The following SCIN variants were observed in gnomAD, a reference collection of about 807,000 sequenced individuals.
The protein encoded by SCIN is scinderin.
Under a neutral mutation model 91.8 loss-of-function variants are expected in SCIN, and 91 were observed. That is an observed-to-expected ratio of 0.99 (90% CI 0.84 to 1.18). The LOEUF (loss-of-function observed/expected upper bound fraction) is 1.18, where lower values mean the gene tolerates loss of function less well. Ranked by LOEUF, SCIN falls within the 50% of genes most tolerant of loss-of-function variation. The pLI is 0.00. For missense variants in SCIN, 1,087 were observed against 863.9 expected (o/e 1.26, Z -3.24); for synonymous variants, 367 against 312.6 (o/e 1.17, Z -1.84).
At chr7:12,585,289 A>G (rs1782564614) in intron 3 of SCIN, among the ~76,000 whole-genome samples, 1 of 151,994 alleles carries the variant, frequency 6.6e-6, no homozygotes, top group Admixed American at 6.6e-5. Flanking sequence ...GACTTTTCCC[A>G]GCTTATCCAG....
intron 4 of SCIN, among the ~76,000 whole-genome samples, chr7:12,622,214 A>T (rs1372927669): frequency 6.6e-6 from 1 of 152,058 alleles, no homozygotes; most frequent in Non-Finnish European, 1.5e-5. Flanking sequence ...AGAATAGATA[A>T]ATTCATTTAT....
chr7:12,599,386 T>C (rs1782910328), intron 3 of SCIN, among the ~76,000 whole-genome samples: 1 of 152,086 alleles, frequency 6.6e-6, no homozygotes, highest in Non-Finnish European at 1.5e-5. Flanking sequence ...TGTGTGTGTG[T>C]GTGTGTGTGT....
intron 9 of SCIN, among the ~76,000 whole-genome samples, 158 bp downstream of exon 9, chr7:12,629,380 A>G (rs1783597945): frequency 7.0e-6 from 1 of 142,888 alleles, no homozygotes; most frequent in Admixed American, 7.4e-5. Context: ...GATTTTGACT[A>G]TGTTTTGCAG....
In SCIN at chr7:12,622,838, A is replaced by T. The variant is rs1296789612; in HGVS notation, c.704A>T (p.Asp235Val). The T allele has an allele frequency of 1.2e-6, 2 of 1,612,618 alleles. No homozygotes were observed. The highest frequency in any genetic ancestry group is 1.7e-6 in the Non-Finnish European group (2 of 1,179,116). The change falls in exon 5 of 16, where the codon GAT becomes GTT. Residue 235 changes from aspartate (D) to valine (V), a missense_variant. Physicochemically the swap from Asp to Val is radical, Grantham distance 152. Transcript: ENST00000297029. ...AAGCCAGAGCTTCCAGATGGAGGTGATGATGATGACATTATAGCAGACATA... is the reference window on the plus strand; with the variant it reads ...AAGCCAGAGCTTCCAGATGGAGGTGTTGATGATGACATTATAGCAGACATA... ...GEKPELPDGG[D>V]DDDIIADISN... is the part of the protein sequence containing the mutation.
At position 12,610,402 on chromosome 7, in the gene SCIN, C is replaced by T. The variant is rs565100107; in HGVS notation, c.666+5739C>T. On this transcript the variant is annotated intron_variant, in intron 4 of 15. Coordinates refer to ENST00000297029, the MANE Select transcript of SCIN (RefSeq NM_001112706.3). ...GGCAAAGAGTAAATTTTTAGCCATA[C>T]TTCTTCAAAGTACTTTGCAAAATAA... is the stretch of plus-strand genomic sequence containing the variant. Among the ~76,000 whole-genome samples the T allele has an allele frequency of 4.0e-4, 61 of 152,262 alleles. No homozygotes were observed. The Middle Eastern group carries it at 0.01, about 25-fold the overall frequency.
At chr7:12,637,612 G>C (rs1322059744) in intron 10 of SCIN, among the ~76,000 whole-genome samples, 10 of 151,882 alleles carry the variant, frequency 6.6e-5, no homozygotes, top group Admixed American at 6.6e-5. Flanking sequence ...AATCATGGAG[G>C]AAGAAATGAG....
At chr7:12,636,013 C>T in intron 9 of SCIN, 32 bp from the exon 10 acceptor site, 2 of 1,542,606 alleles carry the variant, frequency 1.3e-6, no homozygotes, top group Non-Finnish European at 1.8e-6. Context: ...AACTTAAAGG[C>T]AAGCTAATTC....
chr7:12,583,558 T>G (rs1200858554), intron 3 of SCIN, among the ~76,000 whole-genome samples: 2 of 152,186 alleles, frequency 1.3e-5, no homozygotes, highest in East Asian at 1.9e-4. Context: ...ATAGAATGCC[T>G]TGTGACAGTT....
chr7:12,644,275 A>C lies in SCIN; in HGVS notation c.1719A>C (p.Leu573=). 2 of 1,598,446 alleles carry C rather than the reference A, an allele frequency of 1.3e-6. No homozygotes were observed. Among genetic ancestry groups the C allele is most frequent in the Non-Finnish European group, 1.7e-6 (2 of 1,172,032 alleles). Residue 573 remains leucine, a synonymous_variant, in exon 12 of 16, where the codon CTA becomes CTC. Coordinates refer to ENST00000297029, the MANE Select transcript of SCIN (RefSeq NM_001112706.3). ...EKGAEYVASV[L]KCKTLRIQEG... is the part of the protein sequence containing the mutation. Reference sequence around the variant, plus strand: ...GAGCAGAGTATGTAGCAAGTGTCCTAAAGTGCAAAACCTTAAGGATCCAAG... The same window carrying C: ...GAGCAGAGTATGTAGCAAGTGTCCTCAAGTGCAAAACCTTAAGGATCCAAG...
intron 11 of SCIN, 73 bp downstream of exon 11, chr7:12,640,590 T>C: frequency 1.5e-6 from 2 of 1,326,368 alleles, no homozygotes; most frequent in Non-Finnish European, 2.0e-6. Context: ...CAGCAAATAT[T>C]AGACTTTAAA....
At chr7:12,586,679 A>T (rs911769591) in intron 3 of SCIN, among the ~76,000 whole-genome samples, 23 of 152,226 alleles carry the variant, frequency 1.5e-4, no homozygotes, top group Non-Finnish European at 1.5e-5. Flanking sequence ...TGGAATCAAC[A>T]TAAATATCCA....
chr7:12,575,937 A>G (rs1046178375), intron 1 of SCIN, among the ~76,000 whole-genome samples: 1 of 152,162 alleles, frequency 6.6e-6, no homozygotes, highest in Admixed American at 6.6e-5. Context: ...TGTTTTATTC[A>G]TACAGATATT....
chr7:12,607,030 C>G (rs560760853), intron 4 of SCIN, among the ~76,000 whole-genome samples: 4 of 152,152 alleles, frequency 2.6e-5, no homozygotes, highest in South Asian at 2.1e-4. Flanking sequence ...GACTGTAATC[C>G]CTTGTCTCAA....
At chr7:12,597,824 T>A (rs1457460079) in intron 3 of SCIN, among the ~76,000 whole-genome samples, 1 of 152,236 alleles carries the variant, frequency 6.6e-6, no homozygotes, top group African/African-American at 2.4e-5. Context: ...TCTTTAATAG[T>A]TTGTATATTA....
chr7:12,646,898 G>A (rs1458495830), intron 13 of SCIN, among the ~76,000 whole-genome samples: 1 of 152,150 alleles, frequency 6.6e-6, no homozygotes, highest in Admixed American at 6.6e-5. Flanking sequence ...TTTAAACAGT[G>A]CATTGAGATA....
rs1161296218 is a variant in SCIN at position 12,657,509 on chromosome 7, A to G, written c.*4794A>G. 2.3e-5 allele frequency: 3 copies of G among 130,754 alleles called. No homozygotes were observed. The highest frequency in any genetic ancestry group is 3.2e-5 in the Non-Finnish European group (2 of 62,480). The allele number at this position is 130,754 out of a possible 1,614,324, so 8.1% of individuals were successfully genotyped here. A position where few individuals can be genotyped will look rare whatever the true frequency, so the allele number is the denominator to read the frequency against. ...CAGGCATGAGCCACCGCATCTGGAC[A>G]CGAATTTTTAAGTTTTATATATGTG... On this transcript the variant is annotated 3_prime_UTR_variant, in exon 16 of 16. Transcript: ENST00000297029.
In SCIN at chr7:12,657,182, T is replaced by C. The variant is rs1784177325; in HGVS notation, c.*4467T>C. ...ATGGTGTGTACCCAACAAAAATGCA[T>C]ACATGTGTGTACTAAAGGATATAAT... On this transcript the variant is annotated 3_prime_UTR_variant, in exon 16 of 16. Coordinates refer to ENST00000297029, the MANE Select transcript of SCIN (RefSeq NM_001112706.3). The C allele has an allele frequency of 1.3e-5, 2 of 149,344 alleles. No individual in the cohort carries two copies. The highest frequency in any genetic ancestry group is 2.5e-5 in the African/African-American group (1 of 40,712). The allele number at this position is 149,344 out of a possible 1,614,324, so 9.3% of individuals were successfully genotyped here. A position where few individuals can be genotyped will look rare whatever the true frequency, so the allele number is the denominator to read the frequency against.
chr7:12,628,058 T>C (rs1225365509), intron 8 of SCIN, among the ~76,000 whole-genome samples: 4 of 151,844 alleles, frequency 2.6e-5, no homozygotes, highest in Non-Finnish European at 4.4e-5. Context: ...TGTGTGTGTG[T>C]GTGTGTGTTT....
chr7:12,656,148 T>C lies in SCIN; in HGVS notation c.*3433T>C, dbSNP rs961364986. On this transcript the variant is annotated 3_prime_UTR_variant, in exon 16 of 16. Coordinates refer to ENST00000297029, the MANE Select transcript of SCIN (RefSeq NM_001112706.3). Reference sequence around the variant, plus strand: ...GGTAAAGAGAATGGCCTTCACATTGTATTTTGAACAATGTTTTGGCCTCCA... The same window carrying C: ...GGTAAAGAGAATGGCCTTCACATTGCATTTTGAACAATGTTTTGGCCTCCA... 1.2e-4 allele frequency: 19 copies of C among 152,330 alleles called. No individual in the cohort carries two copies. The highest frequency in any genetic ancestry group is 4.6e-4 in the African/African-American group (19 of 41,578). The allele number at this position is 152,330 out of a possible 1,614,324, so 9.4% of individuals were successfully genotyped here.
Sources: gnomAD v4.1 joint callset for allele counts (sites outside exome capture counted in the v4.1 genomes callset) on GRCh38, gnomAD v4.1.1 for gene constraint, MANE v1.5 for transcripts, NCBI Gene and HGNC (gene_info 2026-07-23, HGNC 2026-07-21) for gene names.